Variants in SGCZ observed in about 807,000 individuals in gnomAD.
The protein encoded by SGCZ is zeta-sarcoglycan.
Under a neutral mutation model 41.3 loss-of-function variants are expected in SGCZ, and 40 were observed. The ratio of observed to expected loss-of-function variants is 0.97; its 90% confidence interval spans 0.75 to 1.26. The LOEUF (loss-of-function observed/expected upper bound fraction) is 1.26. Ranked by LOEUF, SGCZ falls within the 50% of genes most tolerant of loss-of-function variation. The pLI is 0.00. For synonymous variants in SGCZ, 206 were observed against 137.5 expected, an observed-to-expected ratio of 1.50 and a Z score of -3.49; for missense variants, 552 against 369.8, an observed-to-expected ratio of 1.49 and a Z score of -4.04.
At chr8:14,217,837 G>C (rs28511571) in intron 4 of SGCZ, among the ~76,000 whole-genome samples, 1 of 151,598 alleles carries the variant, frequency 6.6e-6, no homozygotes, top group Non-Finnish European at 1.5e-5. Flanking sequence ...CACCATGTTG[G>C]CCAGGCTCGT....
chr8:14,239,285 A>G (rs912688251), intron 3 of SGCZ, among the ~76,000 whole-genome samples: 2 of 141,258 alleles, frequency 1.4e-5, no homozygotes, highest in Non-Finnish European at 3.1e-5. Flanking sequence ...ACACACACAC[A>G]AATTCTATTC....
At chr8:14,779,533 T>A (rs2130428964) in intron 1 of SGCZ, among the ~76,000 whole-genome samples, 1 of 152,304 alleles carries the variant, frequency 6.6e-6, no homozygotes, top group Non-Finnish European at 1.5e-5. Context: ...TCTACAAAAA[T>A]TGGAAGAAAT....
chr8:14,332,922 T>TAC (rs1427149995), intron 2 of SGCZ, among the ~76,000 whole-genome samples: 3 of 135,030 alleles, frequency 2.2e-5, no homozygotes, highest in Admixed American at 7.6e-5. Context: ...CACATATATA[T>TAC]ACATATATAT....
intron 2 of SGCZ, among the ~76,000 whole-genome samples, chr8:14,500,121 T>G (rs903397392): frequency 1.3e-5 from 2 of 152,124 alleles, no homozygotes; most frequent in Non-Finnish European, 2.9e-5. Flanking sequence ...TCACAATCAT[T>G]AAACTTGGGC....
At chr8:14,660,571 CAAAAA>C (rs71304960) in intron 1 of SGCZ, among the ~76,000 whole-genome samples, 31 of 67,294 alleles carry the variant, frequency 4.6e-4, no homozygotes, top group African/African-American at 1.3e-3. Context: ...AACTCCATCT[CAAAAA>C]AAAAAAAAAA....
intron 1 of SGCZ, among the ~76,000 whole-genome samples, chr8:15,119,523 C>G (rs926007497): frequency 2.1e-5 from 3 of 144,062 alleles, no homozygotes; most frequent in African/African-American, 8.8e-5. Context: ...AGAGAAAGAC[C>G]CTGTCTCAAA....
chr8:14,939,564 A>G (rs1800199352), intron 1 of SGCZ, among the ~76,000 whole-genome samples: 1 of 152,196 alleles, frequency 6.6e-6, no homozygotes, highest in Non-Finnish European at 1.5e-5. Context: ...AACTTAGCAC[A>G]GTCGCTTCAT....
chr8:14,245,088 C>T (rs1367497995), intron 3 of SGCZ, among the ~76,000 whole-genome samples: 4 of 152,084 alleles, frequency 2.6e-5, no homozygotes, highest in Non-Finnish European at 4.4e-5. Context: ...CCTTTATTTC[C>T]TTCTCCTGCC....
chr8:14,176,000 C>G (rs1804531490), intron 4 of SGCZ, among the ~76,000 whole-genome samples: 1 of 152,094 alleles, frequency 6.6e-6, no homozygotes, highest in African/African-American at 2.4e-5. Context: ...CACCGTGAAT[C>G]TATTTCAAAT....
chr8:14,964,775 T>C (rs903293476), intron 1 of SGCZ, among the ~76,000 whole-genome samples: 4 of 152,254 alleles, frequency 2.6e-5, no homozygotes, highest in East Asian at 1.9e-4. Context: ...CTAGGAGCTG[T>C]CAGTTTCCCA....
At chr8:14,999,242 A>G (rs1802324341) in intron 1 of SGCZ, among the ~76,000 whole-genome samples, 1 of 152,222 alleles carries the variant, frequency 6.6e-6, no homozygotes, top group Admixed American at 6.5e-5. Context: ...GTTGAATGAA[A>G]CAAGGTCAAG....
At chr8:15,097,814 ACGTGTG>A (rs1806413921) in intron 1 of SGCZ, among the ~76,000 whole-genome samples, 3 of 94,030 alleles carry the variant, frequency 3.2e-5, no homozygotes, top group Non-Finnish European at 6.1e-5. Flanking sequence ...ATATATATAT[ACGTGTG>A]TGTATATATA....
At chr8:14,741,552 C>A (rs1023352302) in intron 1 of SGCZ, among the ~76,000 whole-genome samples, 2 of 151,950 alleles carry the variant, frequency 1.3e-5, no homozygotes, top group East Asian at 1.9e-4. Context: ...TATTTACATT[C>A]AAAACATTAA....
chr8:14,836,687 G>A (rs1802713173), intron 1 of SGCZ, among the ~76,000 whole-genome samples: 1 of 152,042 alleles, frequency 6.6e-6, no homozygotes, highest in Non-Finnish European at 1.5e-5. Flanking sequence ...TTTTAGTAGA[G>A]ACACGGTTTT....
Position 15,237,866 on chromosome 8 carries a change from G to C in SGCZ, c.-243C>G, listed in dbSNP as rs954039739. 12 of 493,854 alleles carry C rather than the reference G, an allele frequency of 2.4e-5. 1 individual carries two copies. Among genetic ancestry groups the C allele is most frequent in the African/African-American group, 3.9e-5 (2 of 51,484 alleles). The allele number at this position is 493,854 out of a possible 1,614,324, so 30.6% of individuals were successfully genotyped here. A position where few individuals can be genotyped will look rare whatever the true frequency, so the allele number is the denominator to read the frequency against. ...TTTAGTGACAGGTGATCTCTACCGCGGTGCAACACAGCTGAGTCGATTGAA... is the reference window on the plus strand; with the variant it reads ...TTTAGTGACAGGTGATCTCTACCGCCGTGCAACACAGCTGAGTCGATTGAA... On this transcript the variant is annotated 5_prime_UTR_variant, in exon 1 of 8. Transcript: ENST00000382080.
At chr8:14,921,820 C>T (rs999541780) in intron 1 of SGCZ, among the ~76,000 whole-genome samples, 3 of 151,798 alleles carry the variant, frequency 2.0e-5, no homozygotes, top group Admixed American at 6.6e-5. Flanking sequence ...CAATTAATGG[C>T]GACTTTAGAA....
At chr8:15,041,114 G>T (rs1047270502) in intron 1 of SGCZ, among the ~76,000 whole-genome samples, 2 of 151,240 alleles carry the variant, frequency 1.3e-5, no homozygotes, top group Admixed American at 1.3e-4. Context: ...GTAATGAGGT[G>T]GCTTCCATAA....
At chr8:14,985,076 C>A (rs1455152111) in intron 1 of SGCZ, among the ~76,000 whole-genome samples, 1 of 152,072 alleles carries the variant, frequency 6.6e-6, no homozygotes, top group Non-Finnish European at 1.5e-5. Context: ...GAAGGCAAGC[C>A]AATACCCAAT....
intron 2 of SGCZ, among the ~76,000 whole-genome samples, chr8:14,386,138 G>C (rs1804567014): frequency 6.6e-6 from 1 of 151,922 alleles, no homozygotes; most frequent in Admixed American, 6.6e-5. Context: ...CAAATACAGA[G>C]GCCCAACCAT....
Sources: gnomAD v4.1 joint callset for allele counts (sites outside exome capture counted in the v4.1 genomes callset) on GRCh38, gnomAD v4.1.1 for gene constraint, MANE v1.5 for transcripts, NCBI Gene and HGNC (gene_info 2026-07-23, HGNC 2026-07-21) for gene names.